Variants in FMN1 observed in about 807,000 individuals in gnomAD.
The protein encoded by FMN1 is formin 1.
A neutral mutation model predicts 132.4 loss-of-function variants in FMN1; 110 were observed. That is an observed-to-expected ratio of 0.83 (90% confidence interval 0.71 to 0.97). FMN1 has a LOEUF of 0.97. Among genes scored for constraint, FMN1 ranks in the 50% least tolerant of loss-of-function variants. FMN1 has a pLI of 0.00. For synonymous variants in FMN1, 722 were observed against 651.7 expected (o/e 1.11, Z -1.64); for missense variants, 1,792 against 1,705.3 (o/e 1.05, Z -0.90).
rs541340490 is a variant in FMN1, at chr15:32,863,246, C to G, written c.3836-6139G>C. On this transcript the variant is annotated intron_variant, in intron 16 of 20. Coordinates refer to ENST00000616417, the MANE Select transcript of FMN1 (RefSeq NM_001277313.2). ...ATCACGAGGTCAGGAGACCATCCTG[C>G]CTAACACGGTGAAACCCCATCTCTA... Among the ~76,000 whole-genome samples, 20 of 152,160 alleles carry G rather than the reference C, an allele frequency of 1.3e-4. 1 individual carries two copies. Among genetic ancestry groups the G allele is most frequent in the Non-Finnish European group, 2.2e-4 (15 of 67,992 alleles).
chr15:32,977,752 T>C (rs2032327609), intron 7 of FMN1, among the ~76,000 whole-genome samples: 1 of 152,130 alleles, frequency 6.6e-6, no homozygotes, highest in Admixed American at 6.5e-5. Flanking sequence ...ATCTAAGCAA[T>C]ATAAACAGAT....
At chr15:33,122,744 G>A (rs1962684044) in intron 4 of FMN1, among the ~76,000 whole-genome samples, 2 of 152,138 alleles carry the variant, frequency 1.3e-5, no homozygotes, top group Admixed American at 6.5e-5. Flanking sequence ...AGCTAATGAT[G>A]TGTGTCAACA....
At chr15:32,860,073 G>A (rs1046572766) in intron 16 of FMN1, among the ~76,000 whole-genome samples, 1 of 145,214 alleles carries the variant, frequency 6.9e-6, no homozygotes. Context: ...AGGAAAGAAA[G>A]GCAAAGGCAA....
At chr15:33,127,388 T>A (rs1016874997) in intron 4 of FMN1, among the ~76,000 whole-genome samples, 1 of 152,178 alleles carries the variant, frequency 6.6e-6, no homozygotes, top group Non-Finnish European at 1.5e-5. Context: ...CCACCCACTT[T>A]ACCAGTCTCA....
chr15:32,785,228 T>A (rs1198787979), intron 19 of FMN1, among the ~76,000 whole-genome samples: 13 of 111,528 alleles, frequency 1.2e-4, no homozygotes, highest in East Asian at 2.2e-4. Flanking sequence ...ATTTTTTTTT[T>A]TTTTTTTTTG....
chr15:32,849,668 A>C (rs1261153178), intron 17 of FMN1, among the ~76,000 whole-genome samples: 5 of 149,122 alleles, frequency 3.4e-5, no homozygotes, highest in Admixed American at 6.7e-5. Flanking sequence ...TCTTTTCTTT[A>C]TTTTTTTTTT....
At chr15:33,119,738 T>C (rs1029116856) in intron 4 of FMN1, among the ~76,000 whole-genome samples, 6 of 152,200 alleles carry the variant, frequency 3.9e-5, no homozygotes, top group African/African-American at 1.4e-4. Flanking sequence ...GCTCTCATAT[T>C]CTAAAAACTG....
intron 4 of FMN1, among the ~76,000 whole-genome samples, chr15:33,111,153 A>G (rs1449845917): frequency 6.6e-6 from 1 of 152,146 alleles, no homozygotes; most frequent in East Asian, 1.9e-4. Flanking sequence ...TGCTTTGCAC[A>G]TGCCCTCTAT....
chr15:33,161,324 T>G (rs939308840), intron 3 of FMN1, among the ~76,000 whole-genome samples: 1 of 152,204 alleles, frequency 6.6e-6, no homozygotes, highest in Non-Finnish European at 1.5e-5. Context: ...TGGGAAACAG[T>G]AACAGATTGG....
chr15:32,939,296 T>C (rs1011748717), intron 9 of FMN1, among the ~76,000 whole-genome samples: 1 of 152,198 alleles, frequency 6.6e-6, no homozygotes, highest in Non-Finnish European at 1.5e-5. Flanking sequence ...TATCAAATCT[T>C]ACAACCTCCT....
intron 16 of FMN1, among the ~76,000 whole-genome samples, chr15:32,875,664 C>G (rs1003942521): frequency 6.6e-6 from 1 of 152,212 alleles, no homozygotes; most frequent in Non-Finnish European, 1.5e-5. Context: ...CTCCAGTCCC[C>G]TTTGCAGGGG....
chr15:33,102,038 A>C (rs1444822188), intron 4 of FMN1, among the ~76,000 whole-genome samples: 2 of 152,078 alleles, frequency 1.3e-5, no homozygotes. Flanking sequence ...TACCAAGTTT[A>C]CTTGTGTCTT....
chr15:32,826,514 A>C (rs2058371093), intron 17 of FMN1, among the ~76,000 whole-genome samples: 1 of 152,220 alleles, frequency 6.6e-6, no homozygotes, highest in Admixed American at 6.5e-5. Context: ...GATTTAGTGA[A>C]AAGAGGGCAA....
At chr15:32,967,843 A>AC (rs2031386877) in intron 8 of FMN1, among the ~76,000 whole-genome samples, 2 of 152,254 alleles carry the variant, frequency 1.3e-5, no homozygotes, top group Admixed American at 6.5e-5. Context: ...AGAATGCATT[A>AC]CCACATGACT....
At chr15:33,190,012 C>G (rs1241154103) in intron 2 of FMN1, among the ~76,000 whole-genome samples, 3 of 152,196 alleles carry the variant, frequency 2.0e-5, no homozygotes, top group African/African-American at 7.2e-5. Context: ...CAGCAATGCA[C>G]ACTTTGAAAA....
At chr15:33,170,553 A>G (rs1394842226) in intron 3 of FMN1, among the ~76,000 whole-genome samples, 1 of 141,190 alleles carries the variant, frequency 7.1e-6, no homozygotes, top group Non-Finnish European at 1.5e-5. Context: ...ACAACTCAAC[A>G]ATAAAAAAAA....
At chr15:33,159,845 A>G (rs1964819037) in intron 3 of FMN1, among the ~76,000 whole-genome samples, 1 of 152,142 alleles carries the variant, frequency 6.6e-6, no homozygotes, top group Non-Finnish European at 1.5e-5. Flanking sequence ...GGCACCTAAA[A>G]CTCTGAGGGA....
At chr15:33,159,391 G>A (rs1363392934) in intron 3 of FMN1, among the ~76,000 whole-genome samples, 3 of 152,162 alleles carry the variant, frequency 2.0e-5, no homozygotes, top group African/African-American at 7.2e-5. Flanking sequence ...TGAATTTGAT[G>A]TATCGGGGAA....
chr15:33,146,782 C>T (rs1051927059), intron 4 of FMN1, among the ~76,000 whole-genome samples: 1 of 152,088 alleles, frequency 6.6e-6, no homozygotes, highest in East Asian at 1.9e-4. Context: ...ACAGTGAGAT[C>T]GGCACCACAG....
Sources: allele counts gnomAD v4.1 joint callset (sites outside exome capture counted in the v4.1 genomes callset), GRCh38; gene constraint gnomAD v4.1.1; transcripts MANE v1.5; gene names NCBI Gene and HGNC (gene_info 2026-07-23, HGNC 2026-07-21).